The following MACF1 variants were observed in gnomAD, a reference collection of about 807,000 sequenced individuals.
The protein encoded by MACF1 is microtubule-actin cross-linking factor 1.
Under a neutral mutation model 854.8 loss-of-function variants are expected in MACF1, and 193 were observed. The ratio of observed to expected loss-of-function variants is 0.23; its 90% CI spans 0.20 to 0.25. The LOEUF (loss-of-function observed/expected upper bound fraction) is 0.25. Among genes scored for constraint, MACF1 ranks in the 10% least tolerant of loss-of-function variants. MACF1 has a pLI of 1.00. For synonymous variants in MACF1, 3,185 were observed against 3,226.7 expected (o/e 0.99, Z 0.44); for missense variants, 7,722 against 8,929.1 (o/e 0.86, Z 5.45).
At chr1:39,339,417 T>C (rs961009842) in intron 38 of MACF1, among the ~76,000 whole-genome samples, 1 of 152,206 alleles carries the variant, frequency 6.6e-6, no homozygotes, top group Non-Finnish European at 1.5e-5. Context: ...TCAGCCCTAG[T>C]AACTGCCACA....
intron 2 of MACF1, among the ~76,000 whole-genome samples, chr1:39,136,291 C>G (rs1643165259): frequency 6.6e-6 from 1 of 152,224 alleles, no homozygotes; most frequent in Non-Finnish European, 1.5e-5. Flanking sequence ...TGAAGAAAGA[C>G]TGCTATCCAG....
At chr1:39,168,727 A>AT (rs1643907559) in intron 2 of MACF1, among the ~76,000 whole-genome samples, 1 of 152,196 alleles carries the variant, frequency 6.6e-6, no homozygotes, top group African/African-American at 2.4e-5. Flanking sequence ...AATGGGGATA[A>AT]TAATATCTTC....
intron 2 of MACF1, among the ~76,000 whole-genome samples, chr1:39,169,984 T>C (rs1643926198): frequency 6.6e-6 from 1 of 151,610 alleles, no homozygotes; most frequent in Non-Finnish European, 1.5e-5. Flanking sequence ...GGTTTCACCT[T>C]GTTAGCCAGG....
intron 21 of MACF1, 70 bp downstream of exon 21, chr1:39,297,815 A>G: frequency 6.4e-7 from 1 of 1,570,294 alleles, no homozygotes; most frequent in Non-Finnish European, 8.7e-7. Context: ...GCTGCTGTTT[A>G]TATCCTTGAA....
At position 39,434,402 on chromosome 1, in the gene MACF1, T is replaced by C; in HGVS notation, c.17566-12T>C. 1 of 1,409,502 alleles carries C rather than the reference T, an allele frequency of 7.1e-7. No individual in the cohort carries two copies. The highest frequency in any genetic ancestry group is 9.7e-7 in the Non-Finnish European group (1 of 1,030,036). The allele number at this position is 1,409,502 out of a possible 1,614,324, so 87.3% of individuals were successfully genotyped here. On this transcript the variant is annotated splice_polypyrimidine_tract_variant and intron_variant, in intron 68 of 100. Coordinates refer to ENST00000564288, the MANE Select transcript of MACF1 (RefSeq NM_001394062.1). ...ATACTTATCCTTTTTTTTTTTTTTT[T>C]TGCTCACATAGGAAAAGACAGAGTC...
intron 2 of MACF1, among the ~76,000 whole-genome samples, chr1:39,241,222 A>G (rs1215691472): frequency 6.6e-6 from 1 of 152,150 alleles, no homozygotes; most frequent in African/African-American, 2.4e-5. Flanking sequence ...GGAGAGAGTA[A>G]ATAACATTAC....
intron 22 of MACF1, among the ~76,000 whole-genome samples, chr1:39,302,026 G>C (rs974283570): frequency 7.6e-4 from 110 of 143,978 alleles, no homozygotes; most frequent in African/African-American, 2.8e-3. Flanking sequence ...GACAGGGTCT[G>C]ACTCTGTGGC....
intron 17 of MACF1, 74 bp downstream of exon 17, chr1:39,292,917 C>G (rs567618393): frequency 1.9e-5 from 24 of 1,247,332 alleles, no homozygotes; most frequent in Admixed American, 1.4e-4. Flanking sequence ...TTCCGTAATT[C>G]AGAAATCTCC....
At chr1:39,423,526 T>G (rs759652538) in intron 60 of MACF1, among the ~76,000 whole-genome samples, 31 of 150,710 alleles carry the variant, frequency 2.1e-4, no homozygotes, top group Non-Finnish European at 3.4e-4. Context: ...TCCCAGCTAC[T>G]CGGGAGGCTG....
At chr1:39,187,852 C>CTCTCTCTCTCTG (rs1644193858) in intron 2 of MACF1, among the ~76,000 whole-genome samples, 2 of 144,366 alleles carry the variant, frequency 1.4e-5, no homozygotes, top group Non-Finnish European at 1.5e-5. Context: ...CTGTCTTTCT[C>CTCTCTCTCTCTG]TCTCTCTCTC....
At chr1:39,378,915 A>T (rs1294894822) in intron 53 of MACF1, among the ~76,000 whole-genome samples, 5 of 152,226 alleles carry the variant, frequency 3.3e-5, no homozygotes, top group Non-Finnish European at 7.3e-5. Flanking sequence ...CCTTAATCCC[A>T]ATAGTAAACT....
chr1:39,317,179 G>A (rs370536623), intron 28 of MACF1, 35 bp from the exon 29 acceptor site: 434 of 1,599,964 alleles, frequency 2.7e-4, no homozygotes, highest in Non-Finnish European at 3.5e-4. Context: ...AGCATGGAAA[G>A]TATACAACCT....
intron 1 of MACF1, among the ~76,000 whole-genome samples, chr1:39,220,985 G>A (rs1644645378): frequency 6.6e-6 from 1 of 152,150 alleles, no homozygotes; most frequent in African/African-American, 2.4e-5. Context: ...GACTTCAGCT[G>A]GACTTTGAAA....
intron 58 of MACF1, among the ~76,000 whole-genome samples, chr1:39,402,065 A>G (rs1642497270): frequency 6.8e-6 from 1 of 147,570 alleles, no homozygotes; most frequent in South Asian, 2.1e-4. Flanking sequence ...TACAAAAATT[A>G]GCCAGGCTTG....
chr1:39,456,100 A>T (rs1644432527), intron 89 of MACF1, among the ~76,000 whole-genome samples: 1 of 152,116 alleles, frequency 6.6e-6, no homozygotes, highest in Admixed American at 6.5e-5. Flanking sequence ...TTGGGAGGCC[A>T]AGGGGGGCAG....
intron 61 of MACF1, among the ~76,000 whole-genome samples, 179 bp downstream of exon 61, chr1:39,424,373 A>G (rs1312044313): frequency 6.6e-6 from 1 of 152,166 alleles, no homozygotes; most frequent in African/African-American, 2.4e-5. Context: ...CACTCAGGAA[A>G]TGGTCTCCAG....
intron 2 of MACF1, among the ~76,000 whole-genome samples, chr1:39,190,105 T>C (rs760540358): frequency 6.6e-6 from 1 of 152,226 alleles, no homozygotes; most frequent in Non-Finnish European, 1.5e-5. Context: ...TCTAAATGCA[T>C]TGATAAAATC....
intron 2 of MACF1, among the ~76,000 whole-genome samples, chr1:39,194,547 G>A (rs1370919202): frequency 6.6e-6 from 1 of 151,094 alleles, no homozygotes; most frequent in Non-Finnish European, 1.5e-5. Flanking sequence ...AGAGACGGGT[G>A]GCCAGGCTGG....
At chr1:39,302,839 A>G (rs1471782052) in intron 22 of MACF1, 85 bp from the exon 23 acceptor site, 2 of 1,330,632 alleles carry the variant, frequency 1.5e-6, no homozygotes, top group East Asian at 4.8e-5. Context: ...TTTCTTAAGG[A>G]TTTGATAGCT....
Sources: allele counts gnomAD v4.1 joint callset (sites outside exome capture counted in the v4.1 genomes callset), GRCh38; gene constraint gnomAD v4.1.1; transcripts MANE v1.5; gene names NCBI Gene and HGNC (gene_info 2026-07-23, HGNC 2026-07-21).